ARHGEF18: variants seen among roughly 807,000 people sequenced by gnomAD.
The protein encoded by ARHGEF18 is Rho/Rac guanine nucleotide exchange factor 18, also known as rho guanine nucleotide exchange factor 18.
In ARHGEF18, 93 loss-of-function variants were observed where a neutral mutation model predicts 155.7. That is an observed-to-expected ratio of 0.60 (90% CI 0.50 to 0.71). ARHGEF18 has a LOEUF of 0.71. Among genes scored for constraint, ARHGEF18 ranks in the 30% least tolerant of loss-of-function variants. The pLI, the probability that ARHGEF18 is intolerant of heterozygous loss-of-function variation, is 0.00. For missense variants in ARHGEF18, 1,593 were observed against 1,816.1 expected (o/e 0.88, Z 2.23); for synonymous variants, 742 against 753.1 (o/e 0.99, Z 0.24).
rs1368030704 is a variant in ARHGEF18 at position 7,455,287 on chromosome 19, G to A, written c.2105-1040G>A. On this transcript the variant is annotated intron_variant, in intron 17 of 28. Coordinates refer to ENST00000668164, the MANE Select transcript of ARHGEF18 (RefSeq NM_001367823.1). Reference sequence around the variant, plus strand: ...AGGCATCAGTCACTGGGCTGAAAGAGAGAAACAAGCCAAAAAACGGAAAAA... The same window carrying A: ...AGGCATCAGTCACTGGGCTGAAAGAAAGAAACAAGCCAAAAAACGGAAAAA... 2.6e-5 allele frequency among the ~76,000 whole-genome samples: 4 copies of A among 152,334 alleles called. 1 individual carries two copies. In the South Asian group the frequency reaches 8.3e-4, roughly 32 times the overall value.
chr19:7,368,769 G>T (rs956652062), intron 2 of ARHGEF18, among the ~76,000 whole-genome samples: 1 of 152,174 alleles, frequency 6.6e-6, no homozygotes, highest in Non-Finnish European at 1.5e-5. Context: ...CCAGGCACTG[G>T]GGGTAGGAAT....
At chr19:7,450,617 G>A in intron 15 of ARHGEF18, among the ~76,000 whole-genome samples, 1 of 70,430 alleles carries the variant, frequency 1.4e-5, no homozygotes, top group Non-Finnish European at 2.9e-5. Flanking sequence ...ATGGGATCTT[G>A]CTTTCCATTT....
At chr19:7,427,952 AAAAAG>A (rs1973753930) in intron 10 of ARHGEF18, among the ~76,000 whole-genome samples, 1 of 152,178 alleles carries the variant, frequency 6.6e-6, no homozygotes, top group Non-Finnish European at 1.5e-5. Flanking sequence ...TCAAAAAAGA[AAAAAG>A]AAAAAGAGGG....
intron 5 of ARHGEF18, among the ~76,000 whole-genome samples, chr19:7,377,952 G>C (rs547347505): frequency 6.6e-6 from 1 of 152,222 alleles, no homozygotes; most frequent in East Asian, 1.9e-4. Flanking sequence ...AATTAGTCGG[G>C]CATGGTGGTG....
At chr19:7,378,565 C>T (rs1463977356) in intron 6 of ARHGEF18, 114 bp downstream of exon 6, 3 of 794,864 alleles carry the variant, frequency 3.8e-6, no homozygotes, top group African/African-American at 3.6e-5. Flanking sequence ...TGACCAGGGC[C>T]AGACACCATC....
At chr19:7,437,983 CCT>C (rs967191492) in intron 10 of ARHGEF18, among the ~76,000 whole-genome samples, 1 of 149,756 alleles carries the variant, frequency 6.7e-6, no homozygotes, top group Admixed American at 6.7e-5. Context: ...AAGCTCCTCT[CCT>C]CTCCTCTCTC....
At chr19:7,363,113 T>G (rs1449983819) in intron 2 of ARHGEF18, among the ~76,000 whole-genome samples, 4 of 151,876 alleles carry the variant, frequency 2.6e-5, no homozygotes, top group Non-Finnish European at 5.9e-5. Flanking sequence ...AAAGGAGCAA[T>G]GGAGGGATGA....
intron 5 of ARHGEF18, among the ~76,000 whole-genome samples, chr19:7,377,203 T>C (rs1970500541): frequency 6.6e-6 from 1 of 152,084 alleles, no homozygotes; most frequent in African/African-American, 2.4e-5. Context: ...CCCAAGTAGC[T>C]GGGACTACAA....
rs777132091 is a variant in ARHGEF18, at chr19:7,451,203, C to T, written c.1792C>T (p.Leu598=). The change falls in exon 16 of 29, where the codon CTG becomes TTG. Residue 598 remains leucine (L), a synonymous_variant. Coordinates refer to ENST00000668164, the MANE Select transcript of ARHGEF18 (RefSeq NM_001367823.1). The stretch of plus-strand genomic sequence containing the variant: ...GCTTGGCGTGCAGGAGTGCATTCTC[C>T]TGGTTACACAACGCATAACCAAATA... ...RRLGVQECIL[L]VTQRITKYPV... 5 of 1,592,264 alleles carry T rather than the reference C, an allele frequency of 3.1e-6. No homozygotes were observed. The Admixed American group carries it at 6.9e-5, about 22-fold the overall frequency.
chr19:7,453,444 G>A (rs371063732), intron 16 of ARHGEF18, 23 bp from the exon 17 acceptor site: 6 of 1,569,074 alleles, frequency 3.8e-6, no homozygotes, highest in Non-Finnish European at 4.3e-6. Flanking sequence ...AAAGAAAGAC[G>A]CTAACTCTGC....
chr19:7,430,131 GC>G (rs1973873889), intron 10 of ARHGEF18, among the ~76,000 whole-genome samples: 1 of 151,994 alleles, frequency 6.6e-6, no homozygotes, highest in Non-Finnish European at 1.5e-5. Flanking sequence ...CTATTTTTCT[GC>G]TCCAGAATCC....
In ARHGEF18 at chr19:7,444,564, G is replaced by A; in HGVS notation, c.1611+110G>A. 7.0e-7 allele frequency: 1 copy of A among 1,433,084 alleles called. No homozygotes were observed. Among genetic ancestry groups the A allele is most frequent in the African/African-American group, 1.4e-5 (1 of 70,730 alleles). 88.8% of individuals were successfully genotyped at this position (1,433,084 alleles called of 1,614,324 possible). ...CTTGCCGTGTCGCCCAGGCTGGAGT[G>A]CAGTGGTGCAGTCACAGCTCAATGC... On this transcript the variant is annotated intron_variant, in intron 14 of 28. Transcript: ENST00000668164. The surrounding 1 kb of genome is among the most constrained non-coding windows in gnomAD (Gnocchi z 4.7).
chr19:7,403,375 C>T (rs186497753), intron 10 of ARHGEF18, among the ~76,000 whole-genome samples: 18 of 152,298 alleles, frequency 1.2e-4, no homozygotes, highest in Admixed American at 5.9e-4. Flanking sequence ...TCCCAGCCCC[C>T]AGCAGCCACG....
In ARHGEF18 at chr19:7,395,798, G is replaced by A. The variant is rs965813258; in HGVS notation, c.967+12595G>A. Among the ~76,000 whole-genome samples, 3 of 152,188 alleles carry A rather than the reference G, an allele frequency of 2.0e-5. No individual in the cohort carries two copies. Among genetic ancestry groups the A allele is most frequent in the Non-Finnish European group, 4.4e-5 (3 of 68,018 alleles). ...GTGCTTTCATTGCGGACGGGAACGA[G>A]AAGCTTTCCCCTGGTCCTTACATGT... On this transcript the variant is annotated intron_variant, in intron 10 of 28. Transcript: ENST00000668164. The surrounding 1 kb of genome is among the most constrained non-coding windows in gnomAD (Gnocchi z 5.0).
At chr19:7,369,892 G>A (rs572601420) in intron 2 of ARHGEF18, among the ~76,000 whole-genome samples, 36 of 151,964 alleles carry the variant, frequency 2.4e-4, no homozygotes, top group African/African-American at 5.8e-4. Flanking sequence ...GCGAGATGCC[G>A]TCTCAAAAAA....
At chr19:7,411,288 C>CTCCCT (rs768040095) in intron 10 of ARHGEF18, among the ~76,000 whole-genome samples, 2 of 147,298 alleles carry the variant, frequency 1.4e-5, no homozygotes, top group Non-Finnish European at 3.0e-5. Flanking sequence ...TTCCCTTTCC[C>CTCCCT]TCCCCTCCCC....
intron 1 of ARHGEF18, among the ~76,000 whole-genome samples, chr19:7,352,683 G>C (rs1214674299): frequency 6.8e-6 from 1 of 147,836 alleles, no homozygotes; most frequent in Non-Finnish European, 1.5e-5. Context: ...ACAGGTGCCT[G>C]CCACCACGCC....
At position 7,451,157 on chromosome 19, in the gene ARHGEF18, C is replaced by G. The variant is rs747711732; in HGVS notation, c.1746C>G (p.Gly582=). The G allele has an allele frequency of 6.8e-7, 1 of 1,476,906 alleles. No homozygotes were observed. Among genetic ancestry groups the G allele is most frequent in the African/African-American group, 2.8e-5 (1 of 35,768 alleles). The allele number at this position is 1,476,906 out of a possible 1,614,324, so 91.5% of individuals were successfully genotyped here. A position where few individuals can be genotyped will look rare whatever the true frequency, so the allele number is the denominator to read the frequency against. ...TGCTTTCTGTTTCCTAGAAAATTGGCAACTTCTCCATCGTGCGGCGGCTTG... is the reference window on the plus strand; with the variant it reads ...TGCTTTCTGTTTCCTAGAAAATTGGGAACTTCTCCATCGTGCGGCGGCTTG... ...KKFQNLIKKI[G]NFSIVRRLGV... The change falls in exon 16 of 29, where the codon GGC becomes GGG. Residue 582 remains glycine, a synonymous_variant. Transcript: ENST00000668164.
intron 23 of ARHGEF18, among the ~76,000 whole-genome samples, chr19:7,466,280 G>A (rs1976598894): frequency 1.3e-5 from 2 of 151,138 alleles, no homozygotes; most frequent in African/African-American, 2.4e-5. Flanking sequence ...CTATTTGGGA[G>A]GCTGAGGCAG....
Sources: gnomAD v4.1 joint callset for allele counts (sites outside exome capture counted in the v4.1 genomes callset) on GRCh38, gnomAD v4.1.1 for gene constraint, Gnocchi (gnomAD v3.1) non-coding constraint, MANE v1.5 for transcripts, NCBI Gene and HGNC (gene_info 2026-07-23, HGNC 2026-07-21) for gene names.